The following DIP2C variants were observed in gnomAD, a reference collection of about 807,000 sequenced individuals.
The protein encoded by DIP2C is DIP2 acetate--CoA ligase C (putative), also known as disco-interacting protein 2 homolog C.
Under a neutral mutation model 192.4 loss-of-function variants are expected in DIP2C, and 33 were observed. The ratio of observed to expected loss-of-function variants is 0.17; its 90% CI spans 0.13 to 0.23. The LOEUF is 0.23. Ranked by LOEUF, DIP2C falls within the 10% of genes least tolerant of loss-of-function variation. The pLI is 1.00. For missense variants in DIP2C, 1,537 were observed against 2,110.1 expected (o/e 0.73, Z 5.32); for synonymous variants, 979 against 864.1 (o/e 1.13, Z -2.33).
chr10:374,123 TGTAG>T (rs1257826102), intron 17 of DIP2C, among the ~76,000 whole-genome samples: 1 of 152,224 alleles, frequency 6.6e-6, no homozygotes, highest in Non-Finnish European at 1.5e-5. Flanking sequence ...TGTGCATCTG[TGTAG>T]GTGTGTGCAC....
intron 3 of DIP2C, among the ~76,000 whole-genome samples, chr10:449,086 T>C (rs1716768248): frequency 6.6e-6 from 1 of 151,134 alleles, no homozygotes; most frequent in East Asian, 2.0e-4. Flanking sequence ...ATACTCAGGA[T>C]CACACACAGT....
At chr10:532,560 A>AGAGAGAGTATGGGTGT (rs1847439375) in intron 1 of DIP2C, among the ~76,000 whole-genome samples, 10 of 97,310 alleles carry the variant, frequency 1.0e-4, no homozygotes, top group East Asian at 3.8e-4. Flanking sequence ...AGTATGGGTG[A>AGAGAGAGTATGGGTGT]GAGAGAGAGT....
intron 1 of DIP2C, among the ~76,000 whole-genome samples, chr10:675,188 G>T (rs1830830315): frequency 6.6e-6 from 1 of 152,214 alleles, no homozygotes; most frequent in African/African-American, 2.4e-5. Context: ...CCCTTGAATA[G>T]CCAGTGGGTC....
At chr10:452,464 A>G (rs1018259676) in intron 3 of DIP2C, among the ~76,000 whole-genome samples, 2 of 152,208 alleles carry the variant, frequency 1.3e-5, no homozygotes, top group African/African-American at 2.4e-5. Flanking sequence ...ATGAGTGACT[A>G]AAGTGAGTCA....
intron 1 of DIP2C, among the ~76,000 whole-genome samples, chr10:578,236 C>T (rs1044335462): frequency 6.6e-6 from 1 of 152,200 alleles, no homozygotes; most frequent in Non-Finnish European, 1.5e-5. Context: ...CTGCATTTGT[C>T]ATGAACTGTT....
chr10:554,875 G>A (rs956746763), intron 1 of DIP2C, among the ~76,000 whole-genome samples: 9 of 132,616 alleles, frequency 6.8e-5, no homozygotes, highest in African/African-American at 1.2e-4. Context: ...AGGTGTGCCC[G>A]AGACAGAGGA....
intron 1 of DIP2C, among the ~76,000 whole-genome samples, chr10:519,744 T>C (rs769223511): frequency 3.3e-5 from 5 of 152,274 alleles, no homozygotes; most frequent in Admixed American, 6.5e-5. Flanking sequence ...CTCCTGCTCA[T>C]CGCTAACACT....
intron 3 of DIP2C, among the ~76,000 whole-genome samples, chr10:448,266 T>C (rs75111700): frequency 4.4e-4 from 40 of 91,598 alleles, no homozygotes; most frequent in East Asian, 1.1e-3. Flanking sequence ...GACCCACTCA[T>C]CCCTGTCTAT....
At position 333,986 on chromosome 10, in the gene DIP2C, T is replaced by C. The variant is rs113869550; in HGVS notation, c.3585-4385A>G. On this transcript the variant is annotated intron_variant, in intron 29 of 36. Transcript: ENST00000280886. ...TATTCAGATCTCTTGCCCGTGTTTATGTTGCTTGTTTCTGAGTTTTGAGTG... is the reference window on the plus strand; with the variant it reads ...TATTCAGATCTCTTGCCCGTGTTTACGTTGCTTGTTTCTGAGTTTTGAGTG... Among the ~76,000 whole-genome samples, 202 of 152,286 alleles carry C rather than the reference T, an allele frequency of 1.3e-3. 1 individual carries two copies. In the South Asian group the frequency reaches 0.013, roughly 10 times the overall value.
chr10:345,400 A>G (rs899630524), intron 26 of DIP2C, among the ~76,000 whole-genome samples: 3 of 151,992 alleles, frequency 2.0e-5, no homozygotes, highest in Non-Finnish European at 4.4e-5. Flanking sequence ...ACACCATTAG[A>G]TCTGTTCTCC....
intron 1 of DIP2C, among the ~76,000 whole-genome samples, chr10:623,033 GA>G (rs1853966270): frequency 6.6e-6 from 1 of 152,204 alleles, no homozygotes; most frequent in African/African-American, 2.4e-5. Context: ...CATCACAGAG[GA>G]ATGATTCTGT....
Position 349,421 on chromosome 10 carries a change from G to C in DIP2C, c.3019C>G (p.Leu1007Val), listed in dbSNP as rs377246218. The C allele has an allele frequency of 6.2e-7, 1 of 1,609,838 alleles. No individual in the cohort carries two copies. Among genetic ancestry groups the C allele is most frequent in the African/African-American group, 1.3e-5 (1 of 74,922 alleles). Residue 1007 changes from leucine (L) to valine (V), a missense_variant, in exon 25 of 37, where the codon CTG becomes GTG. Physicochemically the swap from Leu to Val is conservative, Grantham distance 32 (BLOSUM62 1). This residue lies in a region of DIP2C where 677 missense variants were observed against 989.9 expected (regional missense o/e 0.68). Transcript: ENST00000280886. ...AIANSLTCVQ[L>V]HKRAEKIAVM... is the part of the protein sequence containing the mutation. ...GCGATCTTCTCAGCTCTCTTGTGCAGCTGCACGCAGGTCAGCGAGTTCGCT... is the reference window on the plus strand; with the variant it reads ...GCGATCTTCTCAGCTCTCTTGTGCACCTGCACGCAGGTCAGCGAGTTCGCT...
chr10:586,996 C>G (rs186715390), intron 1 of DIP2C, among the ~76,000 whole-genome samples: 201 of 149,300 alleles, frequency 1.3e-3, no homozygotes, highest in Non-Finnish European at 2.3e-3. Context: ...GACAGCATGG[C>G]GAGGTGCAAA....
chr10:481,091 G>A (rs957095629), intron 2 of DIP2C, among the ~76,000 whole-genome samples: 5 of 151,984 alleles, frequency 3.3e-5, no homozygotes, highest in African/African-American at 9.7e-5. Flanking sequence ...GCTGCCTTGG[G>A]GTCACCAGAC....
At chr10:379,645 T>C (rs1005405074) in intron 17 of DIP2C, among the ~76,000 whole-genome samples, 1 of 152,230 alleles carries the variant, frequency 6.6e-6, no homozygotes, top group South Asian at 2.1e-4. Flanking sequence ...AATCACTAAG[T>C]GATACATATT....
chr10:529,643 G>A (rs1036936602), intron 1 of DIP2C, among the ~76,000 whole-genome samples: 7 of 152,240 alleles, frequency 4.6e-5, no homozygotes, highest in African/African-American at 1.7e-4. Context: ...GGCAGCTGCA[G>A]CAGCACCTGG....
At chr10:530,833 G>GC (rs1194412960) in intron 1 of DIP2C, among the ~76,000 whole-genome samples, 1 of 152,102 alleles carries the variant, frequency 6.6e-6, no homozygotes, top group African/African-American at 2.4e-5. Context: ...TGGCCCCAAA[G>GC]CCCCACGGCA....
At chr10:391,262 C>T (rs992707629) in intron 10 of DIP2C, among the ~76,000 whole-genome samples, 1 of 152,094 alleles carries the variant, frequency 6.6e-6, no homozygotes, top group Admixed American at 6.6e-5. Flanking sequence ...TACTAACATG[C>T]TAACACCAAG....
At chr10:371,675 T>TGGGGTGAGGCCTGGGCTGAGCA (rs1960978242) in intron 17 of DIP2C, among the ~76,000 whole-genome samples, 1 of 118,708 alleles carries the variant, frequency 8.4e-6, no homozygotes, top group African/African-American at 3.8e-5. Flanking sequence ...TGGGCTGAGC[T>TGGGGTGAGGCCTGGGCTGAGCA]GAGCAGCACC....
Sources: gnomAD v4.1 joint callset for allele counts (sites outside exome capture counted in the v4.1 genomes callset) on GRCh38, gnomAD v4.1.1 for gene constraint, gnomAD v4.1.1 regional missense constraint, MANE v1.5 for transcripts, NCBI Gene and HGNC (gene_info 2026-07-23, HGNC 2026-07-21) for gene names.